Variants in WDR72 observed in about 807,000 individuals in gnomAD.
WDR72 encodes the protein WD repeat domain 72.
In WDR72, 120 loss-of-function variants were observed where a neutral mutation model predicts 124.2. The observed-to-expected ratio is 0.97, with a 90% CI of 0.83 to 1.12. WDR72 has a LOEUF of 1.12. Ranked by LOEUF, WDR72 falls within the 50% of genes most tolerant of loss-of-function variation. The pLI, the probability that WDR72 is intolerant of heterozygous loss-of-function variation, is 0.00. For missense variants in WDR72, 1,387 were observed against 1,278.8 expected (o/e 1.08, Z -1.29); for synonymous variants, 452 against 441.7 (o/e 1.02, Z -0.29).
At chr15:53,578,754 C>CAAACAAACAAACAAAT (rs2011756944) in intron 18 of WDR72, among the ~76,000 whole-genome samples, 1 of 152,028 alleles carries the variant, frequency 6.6e-6, no homozygotes, top group Non-Finnish European at 1.5e-5. Flanking sequence ...AACAAACAAA[C>CAAACAAACAAACAAAT]AAACAAACAA....
chr15:53,595,757 G>C (rs1203596636), intron 18 of WDR72, among the ~76,000 whole-genome samples: 1 of 152,070 alleles, frequency 6.6e-6, no homozygotes, highest in Non-Finnish European at 1.5e-5. Context: ...TCTGCTTCTT[G>C]CTTAAAATAT....
Position 53,699,800 on chromosome 15 carries a change from A to T in WDR72, c.1715T>A (p.Leu572Ter), listed in dbSNP as rs1258972337. The change falls in exon 13 of 20, where the codon TTA becomes TAA. Residue 572 changes from leucine (L) to a stop codon, truncating the protein, a stop_gained. Transcript: ENST00000360509. LOFTEE classifies it high-confidence loss of function. ...MIKWHPVENF[L>*]IVGCADDSVY... ...TGAGTCATCTGCACATCCAACAATT[A>T]AAAAATTCTCAACCGGGTGCCATTT... The T allele has an allele frequency of 1.2e-6, 2 of 1,614,192 alleles. No homozygotes were observed. Among genetic ancestry groups the T allele is most frequent in the South Asian group, 1.1e-5 (1 of 91,084 alleles).
At chr15:53,577,627 T>C (rs2011684171) in intron 18 of WDR72, among the ~76,000 whole-genome samples, 1 of 152,136 alleles carries the variant, frequency 6.6e-6, no homozygotes, top group Non-Finnish European at 1.5e-5. Context: ...AGAATGTTTA[T>C]CCTCACGGAT....
chr15:53,693,018 C>T (rs979612166), intron 13 of WDR72, among the ~76,000 whole-genome samples: 2 of 152,102 alleles, frequency 1.3e-5, no homozygotes, highest in African/African-American at 4.8e-5. Context: ...CTATTACCTG[C>T]AGGATGCGGC....
intron 17 of WDR72, among the ~76,000 whole-genome samples, chr15:53,602,004 T>C (rs2013065849): frequency 6.6e-6 from 1 of 151,950 alleles, no homozygotes; most frequent in South Asian, 2.1e-4. Flanking sequence ...CTGATGTCTA[T>C]AGAACTCTCC....
intron 18 of WDR72, among the ~76,000 whole-genome samples, chr15:53,567,719 A>G (rs916695852): frequency 6.6e-6 from 1 of 151,984 alleles, no homozygotes; most frequent in South Asian, 2.1e-4. Context: ...TGATCTTTAT[A>G]GGAACAAAAG....
intron 13 of WDR72, among the ~76,000 whole-genome samples, chr15:53,676,990 G>C (rs1252887943): frequency 6.8e-6 from 1 of 147,188 alleles, no homozygotes; most frequent in Non-Finnish European, 1.5e-5. Context: ...GCACCATCTC[G>C]GCTCACTGCA....
chr15:53,680,881 G>A (rs2016357803), intron 13 of WDR72, among the ~76,000 whole-genome samples: 1 of 152,158 alleles, frequency 6.6e-6, no homozygotes. Flanking sequence ...AAAGTGGTGG[G>A]CCAATCTATT....
chr15:53,523,634 C>T (rs1434096345), intron 18 of WDR72, among the ~76,000 whole-genome samples: 2 of 151,944 alleles, frequency 1.3e-5, no homozygotes, highest in African/African-American at 2.4e-5. Flanking sequence ...AAATCTAAAA[C>T]AATATAGTCA....
At chr15:53,700,494 T>C (rs1010036674) in intron 12 of WDR72, among the ~76,000 whole-genome samples, 3 of 152,128 alleles carry the variant, frequency 2.0e-5, no homozygotes, top group Non-Finnish European at 2.9e-5. Context: ...CTCAAAGACA[T>C]AAGGACCAAA....
chr15:53,638,074 T>G (rs1418464659), intron 14 of WDR72, among the ~76,000 whole-genome samples: 1 of 152,220 alleles, frequency 6.6e-6, no homozygotes, highest in African/African-American at 2.4e-5. Flanking sequence ...TACTGACCAA[T>G]GAAAGCAGCA....
intron 18 of WDR72, among the ~76,000 whole-genome samples, chr15:53,588,138 T>G (rs991869351): frequency 6.6e-6 from 1 of 152,038 alleles, no homozygotes; most frequent in Non-Finnish European, 1.5e-5. Flanking sequence ...ACATATTATT[T>G]AGCATTTCTT....
chr15:53,700,528 C>A (rs1477126848), intron 12 of WDR72, among the ~76,000 whole-genome samples: 3 of 152,138 alleles, frequency 2.0e-5, no homozygotes, highest in Admixed American at 6.5e-5. Context: ...GACAACAATC[C>A]TTAAGATACT....
At chr15:53,584,922 T>G (rs2012119446) in intron 18 of WDR72, among the ~76,000 whole-genome samples, 1 of 151,928 alleles carries the variant, frequency 6.6e-6, no homozygotes, top group Non-Finnish European at 1.5e-5. Flanking sequence ...TAGATGAAAT[T>G]AGAAATGCAA....
intron 13 of WDR72, among the ~76,000 whole-genome samples, chr15:53,680,750 C>T (rs536578200): frequency 2.0e-5 from 3 of 152,226 alleles, no homozygotes; most frequent in East Asian, 3.9e-4. Context: ...GCATCATGTG[C>T]CTTTCAGTGG....
At chr15:53,705,349 G>T in intron 10 of WDR72, 116 bp from the exon 11 acceptor site, 1 of 905,488 alleles carries the variant, frequency 1.1e-6, no homozygotes, top group African/African-American at 1.7e-5. Flanking sequence ...GCCTATCCCA[G>T]ATTCATATTG....
At chr15:53,548,341 A>G (rs1473997557) in intron 18 of WDR72, among the ~76,000 whole-genome samples, 1 of 152,206 alleles carries the variant, frequency 6.6e-6, no homozygotes, top group Non-Finnish European at 1.5e-5. Context: ...CAGAATAAAC[A>G]GGGCAGGCCT....
At chr15:53,519,885 G>A (rs982865134) in intron 19 of WDR72, among the ~76,000 whole-genome samples, 1 of 152,076 alleles carries the variant, frequency 6.6e-6, no homozygotes, top group African/African-American at 2.4e-5. Context: ...GCTGGAGAAG[G>A]AGTGATGCCA....
At chr15:53,640,673 G>T (rs1416132502) in intron 14 of WDR72, among the ~76,000 whole-genome samples, 1 of 152,080 alleles carries the variant, frequency 6.6e-6, no homozygotes, top group Non-Finnish European at 1.5e-5. Context: ...AACAAATGTG[G>T]ATATATGTAA....
Sources: allele counts gnomAD v4.1 joint callset (sites outside exome capture counted in the v4.1 genomes callset), GRCh38; gene constraint gnomAD v4.1.1; transcripts MANE v1.5; gene names NCBI Gene and HGNC (gene_info 2026-07-23, HGNC 2026-07-21).